Variants in LINGO2 observed in about 807,000 individuals in gnomAD.
The protein encoded by LINGO2 is leucine rich repeat and Ig domain containing 2.
In LINGO2, 14 loss-of-function variants were observed where a neutral mutation model predicts 30.6. The observed-to-expected ratio is 0.46, with a 90% confidence interval of 0.30 to 0.72. The LOEUF (loss-of-function observed/expected upper bound fraction) is 0.72, where lower values mean the gene tolerates loss of function less well. LINGO2 is among the 30% of genes least tolerant of loss of function. The pLI is 0.07. For missense variants in LINGO2, 729 were observed against 751.7 expected, an observed-to-expected ratio of 0.97 and a Z score of 0.35; for synonymous variants, 317 against 288.5, an observed-to-expected ratio of 1.10 and a Z score of -1.00.
rs192477564 is a variant in LINGO2 at position 27,955,920 on chromosome 9, C to T, written c.-35-5214G>A. 3.5e-3 allele frequency among the ~76,000 whole-genome samples: 511 copies of T among 148,096 alleles called. 2 individuals carry two copies. Among genetic ancestry groups the T allele is most frequent in the African/African-American group, 0.012 (485 of 40,684 alleles). On this transcript the variant is annotated intron_variant, in intron 5 of 5. Transcript: ENST00000379992. The stretch of plus-strand genomic sequence containing the variant: ...AGTTTCATGTGTTCCATATCCCCTT[C>T]GACATGGATACTGACTTTTTTTTTT...
the LINGO2 span, among the ~76,000 whole-genome samples, chr9:28,712,997 C>T: frequency 2.6e-5 from 4 of 152,040 alleles, no homozygotes; most frequent in African/African-American, 9.7e-5. Flanking sequence ...TCCTGAGTAG[C>T]TGGGATTACA....
chr9:28,397,167 G>A (rs1000951829), intron 2 of LINGO2, among the ~76,000 whole-genome samples: 4 of 151,994 alleles, frequency 2.6e-5, no homozygotes, highest in African/African-American at 9.7e-5. Flanking sequence ...GGCATGTAAT[G>A]AGTCTTGATA....
intron 1 of LINGO2, among the ~76,000 whole-genome samples, chr9:28,635,894 T>C (rs1827243066): frequency 1.3e-5 from 2 of 152,280 alleles, no homozygotes; most frequent in South Asian, 4.1e-4. Flanking sequence ...TAAATATGTA[T>C]ACATGTGCCA....
intron 1 of LINGO2, among the ~76,000 whole-genome samples, chr9:28,519,926 G>C (rs1820768568): frequency 6.6e-6 from 1 of 151,922 alleles, no homozygotes; most frequent in Non-Finnish European, 1.5e-5. Context: ...AAACCATTTT[G>C]AGTTTACTTT....
the LINGO2 span, among the ~76,000 whole-genome samples, chr9:28,680,312 T>C: frequency 6.6e-6 from 1 of 152,094 alleles, no homozygotes; most frequent in Admixed American, 6.6e-5. Flanking sequence ...TTTAAGAGAC[T>C]GGGTAGTATT....
intron 2 of LINGO2, among the ~76,000 whole-genome samples, chr9:28,393,095 G>A (rs1821902080): frequency 6.6e-6 from 1 of 152,194 alleles, no homozygotes; most frequent in Non-Finnish European, 1.5e-5. Flanking sequence ...CACACAGCCA[G>A]CAAATAGCTG....
chr9:28,282,766 GAA>G (rs1259916910), intron 4 of LINGO2, among the ~76,000 whole-genome samples: 1 of 152,046 alleles, frequency 6.6e-6, no homozygotes. Flanking sequence ...TCTTGGCTAG[GAA>G]ATTATTTGAT....
At chr9:28,677,481 C>T in the LINGO2 span, among the ~76,000 whole-genome samples, 6 of 152,158 alleles carry the variant, frequency 3.9e-5, no homozygotes, top group East Asian at 7.7e-4. Flanking sequence ...ATATTTGTTG[C>T]GTGACTGATG....
chr9:28,537,683 A>G (rs2135449333), intron 1 of LINGO2, among the ~76,000 whole-genome samples: 1 of 152,220 alleles, frequency 6.6e-6, no homozygotes, highest in South Asian at 2.1e-4. Flanking sequence ...AGACGTAAAG[A>G]TAATAGAAGT....
intron 4 of LINGO2, among the ~76,000 whole-genome samples, chr9:28,141,844 G>A (rs954018454): frequency 1.1e-4 from 17 of 152,160 alleles, no homozygotes; most frequent in Non-Finnish European, 1.8e-4. Context: ...CCCGGGAAGC[G>A]GAGGGTGCAG....
intron 4 of LINGO2, among the ~76,000 whole-genome samples, chr9:28,021,319 T>G (rs2119366514): frequency 6.6e-6 from 1 of 152,308 alleles, no homozygotes; most frequent in East Asian, 1.9e-4. Flanking sequence ...TCTAGCTGTC[T>G]TTCTGTTATT....
At chr9:28,396,259 G>A (rs1157438967) in intron 2 of LINGO2, among the ~76,000 whole-genome samples, 1 of 152,152 alleles carries the variant, frequency 6.6e-6, no homozygotes, top group South Asian at 2.1e-4. Flanking sequence ...AGTTACAAGT[G>A]CTATGAATCA....
At chr9:28,049,251 T>C (rs956701594) in intron 4 of LINGO2, among the ~76,000 whole-genome samples, 1 of 150,806 alleles carries the variant, frequency 6.6e-6, no homozygotes, top group Admixed American at 6.6e-5. Context: ...CTGTCTTTTG[T>C]ATATACAAGA....
the LINGO2 span, among the ~76,000 whole-genome samples, chr9:28,763,212 T>C: frequency 1.3e-5 from 2 of 151,994 alleles, no homozygotes; most frequent in African/African-American, 2.4e-5. Flanking sequence ...AAAAGACATA[T>C]ACAGAAGTTT....
At chr9:28,700,817 T>G in the LINGO2 span, among the ~76,000 whole-genome samples, 1 of 152,108 alleles carries the variant, frequency 6.6e-6, no homozygotes, top group South Asian at 2.1e-4. Context: ...GCATTTGGTG[T>G]TGTCACCATT....
At chr9:27,958,601 T>C (rs1055426728) in intron 5 of LINGO2, among the ~76,000 whole-genome samples, 2 of 152,146 alleles carry the variant, frequency 1.3e-5, no homozygotes, top group Admixed American at 1.3e-4. Context: ...TTTTTATAAT[T>C]GTCCTATTTT....
At chr9:28,191,752 A>G (rs567643366) in intron 4 of LINGO2, among the ~76,000 whole-genome samples, 1 of 152,210 alleles carries the variant, frequency 6.6e-6, no homozygotes, top group African/African-American at 2.4e-5. Context: ...AGCAGAACCT[A>G]AAGTTTTAAC....
the LINGO2 span, among the ~76,000 whole-genome samples, chr9:29,212,094 C>A: frequency 2.0e-5 from 3 of 152,184 alleles, no homozygotes; most frequent in Admixed American, 1.3e-4. Flanking sequence ...CATTACCTCC[C>A]GGGGCTGCCC....
intron 1 of LINGO2, among the ~76,000 whole-genome samples, chr9:28,574,333 A>T (rs892497368): frequency 1.3e-5 from 2 of 152,212 alleles, no homozygotes; most frequent in South Asian, 4.1e-4. Context: ...CAGATCCTGA[A>T]GGGAATTTGT....
Sources: gnomAD v4.1 joint callset for allele counts (sites outside exome capture counted in the v4.1 genomes callset) on GRCh38, gnomAD v4.1.1 for gene constraint, MANE v1.5 for transcripts, NCBI Gene and HGNC (gene_info 2026-07-23, HGNC 2026-07-21) for gene names.